Variants in NREP observed in about 807,000 individuals in gnomAD.
The protein encoded by NREP is neuronal regeneration related protein, also known as neuronal regeneration-related protein.
Under a neutral mutation model 8.6 loss-of-function variants are expected in NREP, and 5 were observed. The ratio of observed to expected loss-of-function variants is 0.58; its 90% CI spans 0.30 to 1.22. The LOEUF is 1.22. NREP is among the 50% of genes most tolerant of loss of function. The pLI, the probability that NREP is intolerant of heterozygous loss-of-function variation, is 0.07. For missense variants in NREP, 86 were observed against 82.5 expected, an observed-to-expected ratio of 1.04 and a Z score of -0.17; for synonymous variants, 27 against 28.0, an observed-to-expected ratio of 0.96 and a Z score of 0.11.
intron 2 of NREP, among the ~76,000 whole-genome samples, chr5:111,828,122 C>T (rs1331155092): frequency 1.3e-5 from 2 of 151,912 alleles, no homozygotes. Flanking sequence ...CCTCCAGCTC[C>T]CAGGTTCAAG....
At chr5:111,757,990 A>T, upstream of NREP, 1 of 985,532 alleles carries the variant, frequency 1.0e-6, no homozygotes, top group South Asian at 4.7e-5. Context: ...GACGGGCGGC[A>T]GCCGCCTTCC....
intron 2 of NREP, among the ~76,000 whole-genome samples, chr5:111,897,394 T>A (rs998479975): frequency 2.6e-5 from 4 of 152,186 alleles, no homozygotes; most frequent in African/African-American, 9.6e-5. Context: ...TGATGCCAAA[T>A]GTTAACGGCT....
At chr5:111,779,076 T>C (rs1052988459) in intron 2 of NREP, among the ~76,000 whole-genome samples, 1 of 152,204 alleles carries the variant, frequency 6.6e-6, no homozygotes, top group Non-Finnish European at 1.5e-5. Flanking sequence ...CATAAACTTA[T>C]TTGAAAATTT....
At chr5:111,967,843 A>G (rs1295471384) in intron 2 of NREP, among the ~76,000 whole-genome samples, 2 of 152,202 alleles carry the variant, frequency 1.3e-5, no homozygotes, top group African/African-American at 4.8e-5. Flanking sequence ...ACCTGGTTCA[A>G]CCTGCCTCCT....
At chr5:111,940,039 T>G (rs1242432713) in intron 2 of NREP, 1 of 151,988 alleles carries the variant, frequency 6.6e-6, no homozygotes, top group African/African-American at 2.4e-5. Context: ...CTTTACAGAT[T>G]TACAGTGAAG....
chr5:111,759,047 C>T (rs114480652), upstream of NREP, among the ~76,000 whole-genome samples: 930 of 152,260 alleles, frequency 6.1e-3, 9 homozygotes, highest in African/African-American at 0.021. Context: ...CAACAAATTC[C>T]CTTGACCCTT....
At position 111,817,698 on chromosome 5, in the gene NREP, G is replaced by A. The variant is rs994561232; in HGVS notation, c.136-82191C>T. Among the ~76,000 whole-genome samples, 2 of 150,986 alleles carry A rather than the reference G, an allele frequency of 1.3e-5. 1 individual carries two copies. ...CGGGCGCCTGTAGTCCCAGCTACTCGGGAGGCTGAGGCAGGAGAATGGCAT... is the reference window on the plus strand; with the variant it reads ...CGGGCGCCTGTAGTCCCAGCTACTCAGGAGGCTGAGGCAGGAGAATGGCAT... On this transcript the variant is annotated intron_variant, in intron 2 of 3. Coordinates refer to the NREP transcript ENST00000395634.
At chr5:111,960,088 T>G (rs1756439052) in intron 2 of NREP, among the ~76,000 whole-genome samples, 1 of 152,182 alleles carries the variant, frequency 6.6e-6, no homozygotes, top group Non-Finnish European at 1.5e-5. Flanking sequence ...TTTTAAATTC[T>G]GAGATTGTCC....
chr5:111,804,794 G>C (rs1425569207), intron 2 of NREP, among the ~76,000 whole-genome samples: 1 of 152,116 alleles, frequency 6.6e-6, no homozygotes, highest in Non-Finnish European at 1.5e-5. Flanking sequence ...GAGGTCAGGA[G>C]ATAGAGACCA....
rs79087655 is a variant in NREP, at chr5:111,899,279, C to A, written c.135+75995G>T. Among the ~76,000 whole-genome samples, 1,031 of 152,224 alleles carry A rather than the reference C, an allele frequency of 6.8e-3. 7 individuals carry two copies. The highest frequency in any genetic ancestry group is 8.3e-3 in the Non-Finnish European group (564 of 68,002). The stretch of plus-strand genomic sequence containing the variant: ...AGAACAAAACAAAGGATATACAGAA[C>A]AATCAAGGAGGACTGCTTGTGGCCA... On this transcript the variant is annotated intron_variant, in intron 2 of 3. Coordinates refer to the NREP transcript ENST00000395634.
chr5:111,949,064 A>G (rs1175856875), intron 2 of NREP: 2 of 152,142 alleles, frequency 1.3e-5, no homozygotes, highest in African/African-American at 4.8e-5. Flanking sequence ...AAAAAACAAA[A>G]TGAAATTCTG....
intron 2 of NREP, among the ~76,000 whole-genome samples, chr5:111,768,359 T>A (rs1184699212): frequency 6.6e-6 from 1 of 152,226 alleles, no homozygotes; most frequent in Non-Finnish European, 1.5e-5. Context: ...TGTTTGCTTT[T>A]ATTATAATTT....
upstream of NREP, among the ~76,000 whole-genome samples, chr5:111,759,053 C>T (rs1750893741): frequency 6.6e-6 from 1 of 152,226 alleles, no homozygotes; most frequent in South Asian, 2.1e-4. Context: ...ATTCCCTTGA[C>T]CCTTTCAGGC....
At chr5:111,928,768 A>G (rs531288675) in intron 2 of NREP, among the ~76,000 whole-genome samples, 7 of 152,276 alleles carry the variant, frequency 4.6e-5, no homozygotes, top group Admixed American at 1.3e-4. Flanking sequence ...ATGGGAAGAG[A>G]GAGCCCATAG....
intron 2 of NREP, among the ~76,000 whole-genome samples, chr5:111,856,139 C>T (rs1017278663): frequency 5.3e-5 from 8 of 152,112 alleles, no homozygotes; most frequent in Non-Finnish European, 8.8e-5. Flanking sequence ...AGGTTTCCAG[C>T]GAGGATGCTG....
chr5:111,955,005 G>A (rs919466227), intron 2 of NREP, among the ~76,000 whole-genome samples: 1 of 152,174 alleles, frequency 6.6e-6, no homozygotes, highest in Non-Finnish European at 1.5e-5. Flanking sequence ...TTCCAATGAA[G>A]ATGCATGAGG....
intron 2 of NREP, among the ~76,000 whole-genome samples, chr5:111,875,223 G>C (rs574864989): frequency 3.9e-5 from 6 of 151,998 alleles, no homozygotes; most frequent in Admixed American, 1.3e-4. Flanking sequence ...CTTTCTAAAA[G>C]TTCCCTTAAC....
At chr5:111,914,612 C>G (rs1754999574) in intron 2 of NREP, among the ~76,000 whole-genome samples, 1 of 152,096 alleles carries the variant, frequency 6.6e-6, no homozygotes, top group Admixed American at 6.6e-5. Context: ...ATGACCCTGT[C>G]TCCTTTTTTC....
At chr5:111,903,273 C>T (rs886873454) in intron 2 of NREP, among the ~76,000 whole-genome samples, 3 of 151,562 alleles carry the variant, frequency 2.0e-5, no homozygotes, top group East Asian at 1.9e-4. Flanking sequence ...TTAGTAGAGA[C>T]GGGGTTTCAC....
Sources: gnomAD v4.1 joint callset for allele counts (sites outside exome capture counted in the v4.1 genomes callset) on GRCh38, gnomAD v4.1.1 for gene constraint, MANE v1.5 for transcripts, NCBI Gene and HGNC (gene_info 2026-07-23, HGNC 2026-07-21) for gene names.